Variants in ETNK1 observed in about 807,000 individuals in gnomAD.
ETNK1 encodes the protein putative protein product of Nbla10396.
ETNK1 carries 8 observed loss-of-function variants against 45.1 expected under a neutral mutation model. The ratio of observed to expected loss-of-function variants is 0.18; its 90% CI spans 0.10 to 0.32. The LOEUF is 0.32. Among genes scored for constraint, ETNK1 ranks in the 10% least tolerant of loss-of-function variants. The pLI, the probability that ETNK1 is intolerant of heterozygous loss-of-function variation, is 1.00. For synonymous variants in ETNK1, 152 were observed against 151.9 expected, an observed-to-expected ratio of 1.00 and a Z score of -0.01; for missense variants, 302 against 430.6, an observed-to-expected ratio of 0.70 and a Z score of 2.64.
At chr12:22,640,303 A>G (rs1953718567) in intron 1 of ETNK1, among the ~76,000 whole-genome samples, 1 of 152,112 alleles carries the variant, frequency 6.6e-6, no homozygotes, top group African/African-American at 2.4e-5. Context: ...AAAGTTTAAC[A>G]GGATATAATT....
intron 2 of ETNK1, among the ~76,000 whole-genome samples, chr12:22,649,128 T>A (rs1347768804): frequency 1.3e-5 from 2 of 152,110 alleles, no homozygotes; most frequent in African/African-American, 4.8e-5. Context: ...CATTATTGGA[T>A]ATGGGTTTTG....
chr12:22,631,543 G>A (rs371331500), intron 1 of ETNK1, among the ~76,000 whole-genome samples: 2 of 152,166 alleles, frequency 1.3e-5, no homozygotes, highest in South Asian at 2.1e-4. Flanking sequence ...TATATCAAAT[G>A]ATAAATATAT....
intron 1 of ETNK1, among the ~76,000 whole-genome samples, chr12:22,632,214 CTAAAAGGTTGTACCACAATATTATAT>C (rs1344675881): frequency 6.6e-6 from 1 of 151,768 alleles, no homozygotes; most frequent in Non-Finnish European, 1.5e-5. Context: ...TTTAGTTTTA[CTAAAAGGTTGTACCACAATATTATAT>C]TAAAACTGAA....
chr12:22,657,734 A>G (rs1199987241), intron 2 of ETNK1, among the ~76,000 whole-genome samples: 1 of 152,202 alleles, frequency 6.6e-6, no homozygotes, highest in Non-Finnish European at 1.5e-5. Context: ...TGAGCAAGTC[A>G]GGGTCATATG....
At chr12:22,681,561 A>G (rs926689329) in intron 6 of ETNK1, among the ~76,000 whole-genome samples, 2 of 152,048 alleles carry the variant, frequency 1.3e-5, no homozygotes, top group South Asian at 2.1e-4. Flanking sequence ...GAAGACCTCT[A>G]CAAGCTTTTG....
chr12:22,650,914 G>A (rs1395081835), intron 2 of ETNK1, among the ~76,000 whole-genome samples: 1 of 151,986 alleles, frequency 6.6e-6, no homozygotes, highest in East Asian at 1.9e-4. Flanking sequence ...TTTGATTATG[G>A]TAAATGCTAC....
chr12:22,657,443 G>A (rs778035024), intron 2 of ETNK1, among the ~76,000 whole-genome samples: 45 of 151,992 alleles, frequency 3.0e-4, no homozygotes, highest in Non-Finnish European at 2.6e-4. Flanking sequence ...GTTCAAACAT[G>A]GGGTAAATCC....
chr12:22,650,088 A>G (rs756063900), intron 2 of ETNK1, among the ~76,000 whole-genome samples: 24 of 151,754 alleles, frequency 1.6e-4, no homozygotes, highest in Admixed American at 5.3e-4. Flanking sequence ...TTTATTTTCA[A>G]TTTTCACATA....
At position 22,659,062 on chromosome 12, in the gene ETNK1, T is replaced by C; in HGVS notation, c.465T>C (p.Asn155=). The part of the protein sequence containing the change: ...LAKIHAIHAH[N]GWIPKSNLWL... The stretch of plus-strand genomic sequence containing the variant: ...AAATCCATGCTATTCATGCACACAA[T>C]GGCTGGATCCCCAAATCTAATCTTT... Residue 155 remains asparagine (N), a synonymous_variant, in exon 3 of 8, where the codon AAT becomes AAC. Coordinates refer to ENST00000266517, the MANE Select transcript of ETNK1 (RefSeq NM_018638.5). 6.2e-7 allele frequency: 1 copy of C among 1,614,018 alleles called. No homozygotes were observed. Among genetic ancestry groups the C allele is most frequent in the Non-Finnish European group, 8.5e-7 (1 of 1,179,938 alleles).
intron 6 of ETNK1, among the ~76,000 whole-genome samples, chr12:22,681,273 A>C (rs1954213114): frequency 3.9e-5 from 6 of 151,940 alleles, no homozygotes. Flanking sequence ...AGAATCGTTT[A>C]GTTAATTTAT....
intron 2 of ETNK1, chr12:22,644,244 T>C: frequency 6.2e-7 from 1 of 1,608,666 alleles, no homozygotes. Context: ...AAGGAAAAAC[T>C]ACAAGATGTT....
intron 2 of ETNK1, among the ~76,000 whole-genome samples, chr12:22,649,832 A>G (rs574090224): frequency 3.3e-5 from 5 of 152,222 alleles, no homozygotes; most frequent in African/African-American, 4.8e-5. Flanking sequence ...CAGTTTTTCA[A>G]TATCACAAAA....
intron 4 of ETNK1, among the ~76,000 whole-genome samples, chr12:22,666,079 C>T (rs560270581): frequency 7.4e-4 from 113 of 152,184 alleles, no homozygotes; most frequent in African/African-American, 2.6e-3. Context: ...ATAGGCATCA[C>T]GGGAAGAAAT....
chr12:22,679,739 C>T (rs138533579), intron 6 of ETNK1, among the ~76,000 whole-genome samples: 21 of 144,654 alleles, frequency 1.5e-4, no homozygotes, highest in African/African-American at 4.7e-4. Flanking sequence ...CTCACTCTAT[C>T]GCCCAGCCTT....
intron 3 of ETNK1, among the ~76,000 whole-genome samples, chr12:22,659,401 C>T (rs1209068736): frequency 6.6e-6 from 1 of 152,102 alleles, no homozygotes; most frequent in East Asian, 1.9e-4. Context: ...AGTAGGGGAA[C>T]ACCACTTAAA....
intron 2 of ETNK1, among the ~76,000 whole-genome samples, chr12:22,648,002 T>TA (rs1354468514): frequency 6.6e-6 from 1 of 151,942 alleles, no homozygotes; most frequent in Non-Finnish European, 1.5e-5. Flanking sequence ...ATACAAAACA[T>TA]AAATTAATGA....
intron 1 of ETNK1, among the ~76,000 whole-genome samples, chr12:22,630,220 A>G (rs750422121): frequency 3.3e-5 from 5 of 152,238 alleles, no homozygotes; most frequent in Non-Finnish European, 5.9e-5. Context: ...TGAAATACCT[A>G]CAATTACGCA....
At chr12:22,673,162 T>C (rs1174868942) in intron 5 of ETNK1, among the ~76,000 whole-genome samples, 1 of 152,168 alleles carries the variant, frequency 6.6e-6, no homozygotes, top group East Asian at 1.9e-4. Flanking sequence ...TTTGAGGTAG[T>C]GCTCCAAATG....
intron 1 of ETNK1, among the ~76,000 whole-genome samples, chr12:22,639,821 A>G (rs1392357833): frequency 1.3e-5 from 2 of 152,208 alleles, no homozygotes; most frequent in African/African-American, 4.8e-5. Flanking sequence ...ACCATTATAA[A>G]ATTACCTATC....
Sources: allele counts gnomAD v4.1 joint callset (sites outside exome capture counted in the v4.1 genomes callset), GRCh38; gene constraint gnomAD v4.1.1; transcripts MANE v1.5; gene names NCBI Gene and HGNC (gene_info 2026-07-23, HGNC 2026-07-21).